CDH13: variants seen among roughly 807,000 people sequenced by gnomAD.
The protein encoded by CDH13 is cadherin-13.
In CDH13, 24 loss-of-function variants were observed where a neutral mutation model predicts 63.8. The ratio of observed to expected loss-of-function variants is 0.38; its 90% CI spans 0.27 to 0.53. The LOEUF (loss-of-function observed/expected upper bound fraction) is 0.53. CDH13 is among the 20% of genes least tolerant of loss of function. CDH13 has a pLI of 0.85. For missense variants in CDH13, 1,049 were observed against 903.1 expected (o/e 1.16, Z -2.07); for synonymous variants, 503 against 355.3 (o/e 1.42, Z -4.67).
chr16:82,951,623 A>C (rs945880783), intron 2 of CDH13, among the ~76,000 whole-genome samples: 1 of 152,190 alleles, frequency 6.6e-6, no homozygotes, highest in Non-Finnish European at 1.5e-5. Context: ...TACTGCCAGC[A>C]TCTACAGGGC....
At chr16:83,216,358 T>C (rs1229514521) in intron 4 of CDH13, among the ~76,000 whole-genome samples, 1 of 128,192 alleles carries the variant, frequency 7.8e-6, no homozygotes, top group Non-Finnish European at 1.6e-5. Flanking sequence ...GTTTCATCCA[T>C]TAAGTGGAAA....
chr16:83,593,689 G>A (rs947841877), intron 7 of CDH13, among the ~76,000 whole-genome samples: 2 of 151,836 alleles, frequency 1.3e-5, no homozygotes, highest in African/African-American at 4.8e-5. Flanking sequence ...ATGTAATAGT[G>A]GGCTAATTGT....
chr16:83,095,686 C>G (rs886405834), intron 3 of CDH13, among the ~76,000 whole-genome samples: 1 of 152,070 alleles, frequency 6.6e-6, no homozygotes, highest in Admixed American at 6.6e-5. Context: ...ACCGGTACAA[C>G]CTAGTTAACT....
chr16:83,000,542 C>G (rs937161836), intron 2 of CDH13, among the ~76,000 whole-genome samples: 1 of 150,072 alleles, frequency 6.7e-6, no homozygotes, highest in Admixed American at 6.6e-5. Flanking sequence ...GCCACCTCAC[C>G]CGACCCCAAG....
At chr16:83,581,515 A>G (rs961874711) in intron 7 of CDH13, among the ~76,000 whole-genome samples, 1 of 152,084 alleles carries the variant, frequency 6.6e-6, no homozygotes, top group Non-Finnish European at 1.5e-5. Flanking sequence ...TTCTCAGGCC[A>G]CCCTATTTAA....
At position 82,898,841 on chromosome 16, in the gene CDH13, G is replaced by A. The variant is rs190604096; in HGVS notation, c.157+40368G>A. Among the ~76,000 whole-genome samples, 77 of 147,818 alleles carry A rather than the reference G, an allele frequency of 5.2e-4. No homozygotes were observed. The East Asian group carries it at 0.015, about 28-fold the overall frequency. On this transcript the variant is annotated intron_variant, in intron 2 of 13. Transcript: ENST00000567109. ...AGTTGTCTCAAGTTGGGTTTTCTAG[G>A]AAACAGAGTCTGAGCTGCAGTTTAG...
intron 6 of CDH13, among the ~76,000 whole-genome samples, chr16:83,454,105 A>C (rs1467066998): frequency 6.6e-6 from 1 of 152,258 alleles, no homozygotes; most frequent in Non-Finnish European, 1.5e-5. Context: ...TCCGTGAAAC[A>C]CTAGGAGATT....
intron 8 of CDH13, among the ~76,000 whole-genome samples, chr16:83,669,404 A>G (rs946082294): frequency 6.6e-6 from 1 of 152,326 alleles, no homozygotes; most frequent in South Asian, 2.1e-4. Flanking sequence ...CAAGAATTCT[A>G]TGATTTTTGT....
chr16:83,468,745 C>A (rs577681248), intron 6 of CDH13, among the ~76,000 whole-genome samples: 2 of 152,290 alleles, frequency 1.3e-5, no homozygotes, highest in East Asian at 1.9e-4. Context: ...TATAAATCAT[C>A]GTCCTGTGTA....
At chr16:82,905,556 A>G (rs1331214498) in intron 2 of CDH13, among the ~76,000 whole-genome samples, 1 of 152,150 alleles carries the variant, frequency 6.6e-6, no homozygotes, top group Non-Finnish European at 1.5e-5. Flanking sequence ...GACTAACTAG[A>G]AAGTATCAGA....
chr16:82,835,274 A>C (rs75051222), intron 1 of CDH13, among the ~76,000 whole-genome samples: 2 of 152,330 alleles, frequency 1.3e-5, no homozygotes, highest in East Asian at 3.9e-4. Flanking sequence ...TGGCTGCCGC[A>C]TTGGACAGTG....
At chr16:83,484,479 G>A (rs2073842268) in intron 6 of CDH13, among the ~76,000 whole-genome samples, 1 of 152,212 alleles carries the variant, frequency 6.6e-6, no homozygotes, top group African/African-American at 2.4e-5. Context: ...AAATGTGGTA[G>A]CAATACAATT....
intron 13 of CDH13, among the ~76,000 whole-genome samples, chr16:83,788,465 AT>A (rs11320143): frequency 0.68 from 101,861 of 149,936 alleles, 35,127 homozygotes; most frequent in South Asian, 0.78. Context: ...TAAACATTGA[AT>A]TTTTTTTTTT....
chr16:83,681,063 G>A (rs866332920), intron 10 of CDH13, among the ~76,000 whole-genome samples: 1 of 151,942 alleles, frequency 6.6e-6, no homozygotes, highest in South Asian at 2.1e-4. Context: ...CCCAGGTTGA[G>A]TCACAAGCAC....
intron 7 of CDH13, among the ~76,000 whole-genome samples, chr16:83,546,429 G>GTT (rs57567072): frequency 4.9e-4 from 70 of 143,552 alleles, no homozygotes; most frequent in African/African-American, 1.4e-3. Context: ...CATACTACTG[G>GTT]TTTTTTTTTT....
At chr16:82,683,826 G>A (rs1413977075) in intron 1 of CDH13, among the ~76,000 whole-genome samples, 1 of 152,118 alleles carries the variant, frequency 6.6e-6, no homozygotes. Context: ...TTGCTTTCTG[G>A]TGATGGTAGA....
intron 8 of CDH13, among the ~76,000 whole-genome samples, chr16:83,622,573 T>C (rs1440808708): frequency 6.6e-6 from 1 of 152,234 alleles, no homozygotes; most frequent in African/African-American, 2.4e-5. Context: ...AATAATTAGA[T>C]ATCATAATTG....
At chr16:83,110,551 A>G (rs953425267) in intron 3 of CDH13, among the ~76,000 whole-genome samples, 3 of 152,194 alleles carry the variant, frequency 2.0e-5, no homozygotes, top group Admixed American at 6.5e-5. Flanking sequence ...AAGGCAGCAC[A>G]TGCTCAGTCA....
intron 2 of CDH13, among the ~76,000 whole-genome samples, chr16:82,940,768 G>A (rs891663691): frequency 3.3e-5 from 5 of 152,192 alleles, no homozygotes; most frequent in Non-Finnish European, 7.3e-5. Flanking sequence ...AGAGATGTGG[G>A]AAGCAAATGC....
Sources: gnomAD v4.1 joint callset for allele counts (sites outside exome capture counted in the v4.1 genomes callset) on GRCh38, gnomAD v4.1.1 for gene constraint, MANE v1.5 for transcripts, NCBI Gene and HGNC (gene_info 2026-07-23, HGNC 2026-07-21) for gene names.